Variants in ICE2 observed in about 807,000 individuals in gnomAD.
ICE2 encodes interactor of little elongation complex ELL subunit 2.
A neutral mutation model predicts 105.4 loss-of-function variants in ICE2; 87 were observed. The observed-to-expected ratio is 0.83, with a 90% confidence interval of 0.69 to 0.99. ICE2 has a LOEUF of 0.99. Ranked by LOEUF, ICE2 falls within the 50% of genes least tolerant of loss-of-function variation. The pLI, the probability that ICE2 is intolerant of heterozygous loss-of-function variation, is 0.00. For missense variants in ICE2, 1,323 were observed against 1,146.7 expected (o/e 1.15, Z -2.22); for synonymous variants, 399 against 392.0 (o/e 1.02, Z -0.21).
chr15:60,433,803 T>A (rs1049223797), intron 13 of ICE2, among the ~76,000 whole-genome samples: 4 of 149,778 alleles, frequency 2.7e-5, no homozygotes, highest in African/African-American at 9.8e-5. Context: ...CTCCTTTTTT[T>A]TAAAAAAAAA....
intron 5 of ICE2, among the ~76,000 whole-genome samples, chr15:60,458,582 C>T (rs984705197): frequency 6.6e-6 from 1 of 151,940 alleles, no homozygotes; most frequent in Non-Finnish European, 1.5e-5. Context: ...AGGTGGGAAG[C>T]GAAACGTAAG....
In ICE2 at chr15:60,456,784, C is replaced by A; in HGVS notation, c.539G>T (p.Arg180Ile). Residue 180 changes from arginine (R) to isoleucine (I), a missense_variant, in exon 6 of 16, where the codon AGA (arginine) becomes ATA (isoleucine). Physicochemically the swap from Arg to Ile is moderately conservative, Grantham distance 97. Coordinates refer to ENST00000261520, the MANE Select transcript of ICE2 (RefSeq NM_024611.6). The stretch of plus-strand genomic sequence containing the variant: ...CTTTTTCACTTGTTCAATGCAAGCT[C>A]TTAAAATTTTCTGAGAAACAGAAAT... ...DARLFTEKIL[R>I]ACIEQVKKYS... The A allele has an allele frequency of 6.8e-7, 1 of 1,479,562 alleles. No individual in the cohort carries two copies. The highest frequency in any genetic ancestry group is 9.0e-7 in the Non-Finnish European group (1 of 1,113,334). The allele number at this position is 1,479,562 out of a possible 1,614,324, so 91.7% of individuals were successfully genotyped here.
chr15:60,432,663 CG>C (rs2063488386), intron 13 of ICE2, among the ~76,000 whole-genome samples: 1 of 151,734 alleles, frequency 6.6e-6, no homozygotes, highest in South Asian at 2.1e-4. Context: ...GAGGCCAAGA[CG>C]GGCAGATCAC....
intron 15 of ICE2, among the ~76,000 whole-genome samples, chr15:60,425,963 A>C (rs916166922): frequency 6.6e-6 from 1 of 152,152 alleles, no homozygotes; most frequent in African/African-American, 2.4e-5. Context: ...TTTCAAAAAT[A>C]TATCAAACCA....
At chr15:60,465,366 C>A (rs1413351773) in intron 5 of ICE2, among the ~76,000 whole-genome samples, 4 of 152,028 alleles carry the variant, frequency 2.6e-5, no homozygotes, top group Non-Finnish European at 5.9e-5. Flanking sequence ...CCAGATAATT[C>A]TTTTTGTATA....
intron 2 of ICE2, among the ~76,000 whole-genome samples, chr15:60,477,555 T>A (rs2064799064): frequency 6.6e-6 from 1 of 152,238 alleles, no homozygotes; most frequent in Non-Finnish European, 1.5e-5. Flanking sequence ...TCATTTGATA[T>A]AGATTTCAAT....
intron 12 of ICE2, chr15:60,438,433 C>G (rs2063644604): frequency 6.6e-6 from 1 of 152,100 alleles, no homozygotes; most frequent in Non-Finnish European, 1.5e-5. Flanking sequence ...TGGCTTCCTT[C>G]TAAGACACCA....
intron 11 of ICE2, chr15:60,445,743 ATTCT>A: frequency 1.0e-6 from 1 of 985,330 alleles, no homozygotes; most frequent in Non-Finnish European, 1.2e-6. Flanking sequence ...TCCCTAGGCT[ATTCT>A]TACTTAAGAG....
chr15:60,445,622 T>C (rs1374127912), intron 11 of ICE2: 2 of 976,886 alleles, frequency 2.0e-6, no homozygotes, highest in Non-Finnish European at 2.4e-6. Context: ...GAAGAATGAA[T>C]TTTCTTCTAT....
At chr15:60,453,849 G>A (rs995915698) in intron 8 of ICE2, 65 bp from the exon 9 acceptor site, 2 of 1,271,082 alleles carry the variant, frequency 1.6e-6, no homozygotes, top group Admixed American at 2.0e-5. Flanking sequence ...TTTAAAAACA[G>A]GATGTATGAC....
rs1252342357 is a variant in ICE2 at position 60,447,999 on chromosome 15, G to A, written c.2266C>T (p.Arg756Cys). The change falls in exon 11 of 16, where the codon CGT becomes TGT. Residue 756 changes from arginine to cysteine, a missense_variant. By Grantham distance (180) the Arg-to-Cys change is radical (BLOSUM62 -3). Transcript: ENST00000261520. ...CTGATTTTCTTCCGTTTTTTAGAAC[G>A]TGGTCTTGTCTCTATCCTCTGGACA... ...CSVQRIETRP[R>C]SKKRKKIRRQ... 2 of 1,608,666 alleles carry A rather than the reference G, an allele frequency of 1.2e-6. No homozygotes were observed. The highest frequency in any genetic ancestry group is 1.7e-5 in the Admixed American group (1 of 58,770).
chr15:60,475,882 T>C (rs1363381801), intron 3 of ICE2, among the ~76,000 whole-genome samples, 181 bp downstream of exon 3: 1 of 152,108 alleles, frequency 6.6e-6, no homozygotes, highest in African/African-American at 2.4e-5. Context: ...TAAAATTGTT[T>C]TGCAGTTCAT....
At chr15:60,434,368 T>C (rs977310986) in intron 13 of ICE2, among the ~76,000 whole-genome samples, 3 of 152,200 alleles carry the variant, frequency 2.0e-5, no homozygotes, top group Admixed American at 1.3e-4. Context: ...AAACGTTTGC[T>C]TCCCATGCAC....
In ICE2 at chr15:60,449,819, C is replaced by A; in HGVS notation, c.1148G>T (p.Cys383Phe). The A allele has an allele frequency of 6.2e-7, 1 of 1,612,932 alleles. No individual in the cohort carries two copies. The highest frequency in any genetic ancestry group is 8.5e-7 in the Non-Finnish European group (1 of 1,179,574). ...GTTTTCAAGACTCTCAATTTTTCGG[C>A]ACTCGTTGACTTCACAGGACATCTT... ...EMDMSCEVNECRKIESLENLY... is the reference protein window; with the variant it reads ...EMDMSCEVNEFRKIESLENLY... The change falls in exon 10 of 16, where the codon TGC (cysteine) becomes TTC (phenylalanine). Residue 383 changes from cysteine (C) to phenylalanine (F), a missense_variant. Cys to Phe is a radical substitution (Grantham distance 205, BLOSUM62 -2). Coordinates refer to ENST00000261520, the MANE Select transcript of ICE2 (RefSeq NM_024611.6).
At chr15:60,427,548 G>C (rs1160146322) in intron 15 of ICE2, among the ~76,000 whole-genome samples, 1 of 152,148 alleles carries the variant, frequency 6.6e-6, no homozygotes, top group Non-Finnish European at 1.5e-5. Context: ...AGCCTCTCCA[G>C]TAGCTGGAAA....
Position 60,428,766 on chromosome 15 carries a change from G to A in ICE2, c.2562-79C>T. On this transcript the variant is annotated intron_variant, in intron 14 of 15. Transcript: ENST00000261520. ...TCACTTTCTTAATCATAATCTATTA[G>A]TAAAATTGAAAATTATGAGAAGATC... 3.5e-6 allele frequency: 5 copies of A among 1,448,680 alleles called. No individual in the cohort carries two copies. In the South Asian group the frequency reaches 7.1e-5, roughly 21 times the overall value. 89.7% of individuals were successfully genotyped at this position (1,448,680 alleles called of 1,614,324 possible).
chr15:60,455,288 GATT>G (rs1272881184), intron 7 of ICE2, 35 bp downstream of exon 7: 1 of 1,556,808 alleles, frequency 6.4e-7, no homozygotes, highest in South Asian at 1.1e-5. Context: ...AGATATAAAA[GATT>G]ATTTAGGAAG....
chr15:60,449,244 C>T lies in ICE2; in HGVS notation c.1723G>A (p.Glu575Lys), dbSNP rs1156613461. 1 of 1,613,866 alleles carries T rather than the reference C, an allele frequency of 6.2e-7. No homozygotes were observed. Among genetic ancestry groups the T allele is most frequent in the South Asian group, 1.1e-5 (1 of 91,064 alleles). The change falls in exon 10 of 16, where the codon GAG becomes AAG. Residue 575 changes from glutamate to lysine, a missense_variant. Coordinates refer to ENST00000261520, the MANE Select transcript of ICE2 (RefSeq NM_024611.6). The stretch of plus-strand genomic sequence containing the variant: ...TCTGTATCAATGATTAAACACTCCT[C>T]ATCTGTATCACTGCTGCAGAGAACT... ...DTVLCSSDTD[E>K]ECLIIDTECK...
chr15:60,457,798 T>C (rs745847093), intron 5 of ICE2, among the ~76,000 whole-genome samples: 4 of 152,224 alleles, frequency 2.6e-5, no homozygotes, highest in East Asian at 1.9e-4. Context: ...TGGACTAATA[T>C]GGAAAAGTTT....
Sources: gnomAD v4.1 joint callset for allele counts (sites outside exome capture counted in the v4.1 genomes callset) on GRCh38, gnomAD v4.1.1 for gene constraint, MANE v1.5 for transcripts, NCBI Gene and HGNC (gene_info 2026-07-23, HGNC 2026-07-21) for gene names.